The following RGS14 variants were observed in gnomAD, a reference collection of about 807,000 sequenced individuals.
RGS14 encodes regulator of G-protein signaling 14.
In RGS14, 33 loss-of-function variants were observed where a neutral mutation model predicts 63.8. The ratio of observed to expected loss-of-function variants is 0.52; its 90% confidence interval spans 0.39 to 0.69. The LOEUF is 0.69. Ranked by LOEUF, RGS14 falls within the 30% of genes least tolerant of loss-of-function variation. The pLI, the probability that RGS14 is intolerant of heterozygous loss-of-function variation, is 0.00. For missense variants in RGS14, 739 were observed against 742.9 expected, an observed-to-expected ratio of 0.99 and a Z score of 0.06; for synonymous variants, 296 against 320.9, an observed-to-expected ratio of 0.92 and a Z score of 0.83.
In RGS14 at chr5:177,364,428, T is replaced by C. The variant is rs1762045439; in HGVS notation, c.46-1535T>C. On this transcript the variant is annotated intron_variant, in intron 1 of 14. Transcript: ENST00000408923. The surrounding 1 kb of genome is among the most constrained non-coding windows in gnomAD (Gnocchi z 4.6). ...GGCAGAGGGAGCTTCCATTTGGGAC[T>C]TCCATTTGGGAGCTTGAGGGCTTGT... 6.6e-6 allele frequency among the ~76,000 whole-genome samples: 1 copy of C among 152,148 alleles called. No homozygotes were observed. Among genetic ancestry groups the C allele is most frequent in the Non-Finnish European group, 1.5e-5 (1 of 67,998 alleles).
At chr5:177,360,098 C>A (rs1057102793) in intron 1 of RGS14, among the ~76,000 whole-genome samples, 11 of 152,170 alleles carry the variant, frequency 7.2e-5, no homozygotes, top group Admixed American at 7.2e-4. Context: ...TCCCAGCCCC[C>A]TTCCTAGGGA....
chr5:177,360,054 G>A (rs1472481964), intron 1 of RGS14, among the ~76,000 whole-genome samples: 1 of 152,154 alleles, frequency 6.6e-6, no homozygotes, highest in Non-Finnish European at 1.5e-5. Context: ...AGCTTGTCAG[G>A]CAGTTGCAAG....
chr5:177,367,244 G>T, intron 5 of RGS14, 170 bp from the exon 6 acceptor site: 1 of 1,114,196 alleles, frequency 9.0e-7, no homozygotes, highest in African/African-American at 1.6e-5. Flanking sequence ...AGCTGAGCTC[G>T]GGGCGGGCTT....
Position 177,368,747 on chromosome 5 carries a change from G to C in RGS14, c.880G>C (p.Gly294Arg), listed in dbSNP as rs907920745. The change falls in exon 9 of 15, where the codon GGT becomes CGT. Residue 294 changes from glycine to arginine, a missense_variant. Transcript: ENST00000408923. ...SHRKSLGSTE[G>R]ESESRPGKYC... ...CCGGAAGAGCCTTGGGAGCACGGAG[G>C]GTGAAAGTGAAAGCCGGCCAGGGAA... The C allele has an allele frequency of 1.9e-6, 3 of 1,614,106 alleles. No individual in the cohort carries two copies. The highest frequency in any genetic ancestry group is 1.7e-6 in the Non-Finnish European group (2 of 1,180,048).
intron 1 of RGS14, among the ~76,000 whole-genome samples, chr5:177,362,024 G>A (rs1761977182): frequency 6.6e-6 from 1 of 152,178 alleles, no homozygotes; most frequent in African/African-American, 2.4e-5. Flanking sequence ...ACTCCGCTGT[G>A]GGGTGCTGCT....
At position 177,357,991 on chromosome 5, in the gene RGS14, GC is replaced by G. The variant is rs1233969502; in HGVS notation, c.-29del. 5 of 1,335,878 alleles carry G rather than the reference GC, an allele frequency of 3.7e-6. No individual in the cohort carries two copies. Among genetic ancestry groups the G allele is most frequent in the South Asian group, 3.8e-5 (2 of 52,986 alleles). 82.8% of individuals were successfully genotyped at this position (1,335,878 alleles called of 1,614,324 possible). ...CTGCCCACAGTCCCCATGGTGGGCA[GC>G]CCCCGCGGCGGGGACCCCTGATCGG... On this transcript the variant is annotated 5_prime_UTR_variant, in exon 1 of 15. An upstream open reading frame in the 5' UTR loses its in-frame stop. Transcript: ENST00000408923.
In RGS14 at chr5:177,368,182, CTTGCGCCGAGAG is replaced by C. The variant is rs1364401906; in HGVS notation, c.767_778del (p.Leu256_Glu259del). ...AGCTGGGCGGGACTGCAAACGCCGCCTTGCGCCGAGAGTCTCAGGGCTCCCTCAACTCCTCCG... is the reference window on the plus strand; with the variant it reads ...AGCTGGGCGGGACTGCAAACGCCGCCTCTCAGGGCTCCCTCAACTCCTCCG... On this transcript the variant is annotated inframe_deletion, in exon 8 of 15. Coordinates refer to ENST00000408923, the MANE Select transcript of RGS14 (RefSeq NM_006480.5). The C allele has an allele frequency of 1.2e-5, 20 of 1,613,766 alleles. No individual in the cohort carries two copies. Among genetic ancestry groups the C allele is most frequent in the Non-Finnish European group, 1.6e-5 (19 of 1,179,974 alleles).
rs531527998 is a variant in RGS14 at position 177,358,571 on chromosome 5, C to T, written c.45+502C>T. Among the ~76,000 whole-genome samples, 4 of 152,308 alleles carry T rather than the reference C, an allele frequency of 2.6e-5. No individual in the cohort carries two copies. The highest frequency in any genetic ancestry group is 1.9e-4 in the East Asian group (1 of 5,192). On this transcript the variant is annotated intron_variant, in intron 1 of 14. Coordinates refer to ENST00000408923, the MANE Select transcript of RGS14 (RefSeq NM_006480.5). The surrounding 1 kb of genome is among the most constrained non-coding windows in gnomAD (Gnocchi z 4.8). ...CAGAACTAGCATTGTTTGGGCAGCC[C>T]GGGATGGGGCAGCAGGGTCAGACTA...
At position 177,364,570 on chromosome 5, in the gene RGS14, G is replaced by A. The variant is rs1305599923; in HGVS notation, c.46-1393G>A. 1.3e-5 allele frequency among the ~76,000 whole-genome samples: 2 copies of A among 152,152 alleles called. No individual in the cohort carries two copies. Among genetic ancestry groups the A allele is most frequent in the Non-Finnish European group, 2.9e-5 (2 of 68,016 alleles). The stretch of plus-strand genomic sequence containing the variant: ...CCCCAAGTCAGGGGTGATAGGCGCT[G>A]GAGCCGTTACCAGGAAGTTGGTTAT... On this transcript the variant is annotated intron_variant, in intron 1 of 14. Transcript: ENST00000408923. This position sits in a 1 kb window ranked among gnomAD's most constrained non-coding sequence, Gnocchi z 4.6.
rs1454990495 is a variant in RGS14, at chr5:177,366,662, CTG to C, written c.247-42_247-41del. 4 of 1,578,630 alleles carry C rather than the reference CTG, an allele frequency of 2.5e-6. No homozygotes were observed. The African/African-American group carries it at 4.0e-5, about 16-fold the overall frequency. ...TTGATCACATCCCCCAGTTTGGTCTCTGTGTCTCTGAGTCTCTGCCTGCCTCC... is the reference window on the plus strand; with the variant it reads ...TTGATCACATCCCCCAGTTTGGTCTCTGTCTCTGAGTCTCTGCCTGCCTCC... On this transcript the variant is annotated intron_variant, in intron 3 of 14. Transcript: ENST00000408923.
intron 1 of RGS14, among the ~76,000 whole-genome samples, chr5:177,365,215 G>A (rs995654458): frequency 1.3e-5 from 2 of 152,172 alleles, no homozygotes; most frequent in African/African-American, 4.8e-5. Context: ...TTATTGAGAC[G>A]GAGCTTTGCT....
chr5:177,363,390 C>T (rs1456280679), intron 1 of RGS14, among the ~76,000 whole-genome samples: 3 of 152,058 alleles, frequency 2.0e-5, no homozygotes, highest in South Asian at 2.1e-4. Flanking sequence ...TCGCTGCCCT[C>T]CACTGCAACT....
At chr5:177,370,731 C>A in intron 10 of RGS14, 67 bp downstream of exon 10, 6 of 1,576,204 alleles carry the variant, frequency 3.8e-6, no homozygotes, top group Non-Finnish European at 5.2e-6. Context: ...GTTCTAGCTA[C>A]CTGGCTCCCC....
chr5:177,361,393 A>G (rs1447615310), intron 1 of RGS14, among the ~76,000 whole-genome samples: 1 of 152,160 alleles, frequency 6.6e-6, no homozygotes, highest in Non-Finnish European at 1.5e-5. Context: ...TAGAGGGCAC[A>G]GTTCAAGAGG....
chr5:177,360,395 G>A (rs980835756), intron 1 of RGS14, among the ~76,000 whole-genome samples: 2 of 151,824 alleles, frequency 1.3e-5, no homozygotes, highest in Non-Finnish European at 2.9e-5. Context: ...GCAACATAGT[G>A]AGGACCCATC....
At chr5:177,367,952 T>C (rs1285710440) in intron 7 of RGS14, 127 bp downstream of exon 7, 2 of 1,437,476 alleles carry the variant, frequency 1.4e-6, no homozygotes, top group Non-Finnish European at 1.8e-6. Flanking sequence ...CAGGTCCCAG[T>C]GACCACCACA....
At chr5:177,362,732 T>G (rs1476385063) in intron 1 of RGS14, among the ~76,000 whole-genome samples, 1 of 151,992 alleles carries the variant, frequency 6.6e-6, no homozygotes, top group Non-Finnish European at 1.5e-5. Context: ...AGGTAGGGTT[T>G]TAGCCGTAAC....
chr5:177,365,621 G>A (rs1332679183), intron 1 of RGS14, among the ~76,000 whole-genome samples: 1 of 152,242 alleles, frequency 6.6e-6, no homozygotes, highest in Admixed American at 6.5e-5. Flanking sequence ...AGGCAAACAA[G>A]TTAACTAACT....
At position 177,371,748 on chromosome 5, in the gene RGS14, G is replaced by A. The variant is rs907358875; in HGVS notation, c.1499-125G>A. ...TTGGGGGGTCAAAGGGGCTGGAACAGGGGGCCGCAGGCCATTGGTGCTGGG... is the reference window on the plus strand; with the variant it reads ...TTGGGGGGTCAAAGGGGCTGGAACAAGGGGCCGCAGGCCATTGGTGCTGGG... On this transcript the variant is annotated intron_variant, in intron 14 of 14. Transcript: ENST00000408923. The surrounding 1 kb of genome is among the most constrained non-coding windows in gnomAD (Gnocchi z 6.1). 8.2e-7 allele frequency: 1 copy of A among 1,226,476 alleles called. No homozygotes were observed. The highest frequency in any genetic ancestry group is 2.4e-5 in the East Asian group (1 of 41,958). 76.0% of individuals were successfully genotyped at this position (1,226,476 alleles called of 1,614,324 possible).
Sources: gnomAD v4.1 joint callset for allele counts (sites outside exome capture counted in the v4.1 genomes callset) on GRCh38, gnomAD v4.1.1 for gene constraint, Gnocchi (gnomAD v3.1) non-coding constraint, MANE v1.5 for transcripts, NCBI Gene and HGNC (gene_info 2026-07-23, HGNC 2026-07-21) for gene names.